The following FBXO34 variants were observed in gnomAD, a reference collection of about 807,000 sequenced individuals.
FBXO34 encodes the protein F-box protein 34, also known as F-box only protein 34.
In FBXO34, 12 loss-of-function variants were observed where a neutral mutation model predicts 24.5. The observed-to-expected ratio is 0.49, with a 90% confidence interval of 0.31 to 0.79. FBXO34 has a LOEUF of 0.79. FBXO34 is among the 30% of genes least tolerant of loss of function. The pLI is 0.04. For missense variants in FBXO34, 823 were observed against 857.7 expected (o/e 0.96, Z 0.51); for synonymous variants, 320 against 311.9 (o/e 1.03, Z -0.27).
intron 1 of FBXO34, among the ~76,000 whole-genome samples, chr14:55,350,017 C>T (rs1031816667): frequency 2.0e-5 from 3 of 152,060 alleles, no homozygotes; most frequent in Non-Finnish European, 4.4e-5. Context: ...TCTTTTTATA[C>T]TTTCCTTTCT....
intron 1 of FBXO34, among the ~76,000 whole-genome samples, chr14:55,320,301 T>C (rs890706155): frequency 4.6e-5 from 7 of 152,190 alleles, no homozygotes; most frequent in Non-Finnish European, 8.8e-5. Context: ...GGTGATTGTG[T>C]GCTTTGACCA....
At chr14:55,391,602 C>T in the FBXO34 span, among the ~76,000 whole-genome samples, 1 of 152,210 alleles carries the variant, frequency 6.6e-6, no homozygotes, top group African/African-American at 2.4e-5. Context: ...TAGCTACTAG[C>T]CACATGTGGT....
At chr14:55,432,327 G>T in the FBXO34 span, among the ~76,000 whole-genome samples, 1 of 151,120 alleles carries the variant, frequency 6.6e-6, no homozygotes, top group Non-Finnish European at 1.5e-5. Flanking sequence ...CTGGAAGGAT[G>T]GCTCCAGCCC....
At chr14:55,313,487 G>A (rs533698863) in intron 1 of FBXO34, among the ~76,000 whole-genome samples, 14 of 152,178 alleles carry the variant, frequency 9.2e-5, no homozygotes, top group South Asian at 4.1e-4. Context: ...TTTTTATAGC[G>A]CGGTGCCCCA....
chr14:55,430,320 C>G, the FBXO34 span, among the ~76,000 whole-genome samples: 1 of 150,708 alleles, frequency 6.6e-6, no homozygotes, highest in Non-Finnish European at 1.5e-5. Context: ...AGATCCTTCA[C>G]CAACACTGCC....
At chr14:55,339,117 T>C (rs1480170985) in intron 1 of FBXO34, among the ~76,000 whole-genome samples, 1 of 152,150 alleles carries the variant, frequency 6.6e-6, no homozygotes, top group African/African-American at 2.4e-5. Flanking sequence ...GGAAATATTT[T>C]CTAAGGACAT....
chr14:55,403,477 AAAAATTCATTTTTGTTTGTAAAATAGT>A, the FBXO34 span, among the ~76,000 whole-genome samples: 1 of 152,232 alleles, frequency 6.6e-6, no homozygotes, highest in Non-Finnish European at 1.5e-5. Context: ...ACAAAAATAG[AAAAATTCATTTTTGTTTGTAAAATAGT>A]AAATAAACAG....
chr14:55,437,953 C>G, the FBXO34 span, among the ~76,000 whole-genome samples: 3 of 152,156 alleles, frequency 2.0e-5, no homozygotes, highest in Non-Finnish European at 4.4e-5. Context: ...CCAGGGAAGG[C>G]TGCTCAACTA....
chr14:55,312,352 C>T (rs1882773125), intron 1 of FBXO34, among the ~76,000 whole-genome samples: 1 of 152,160 alleles, frequency 6.6e-6, no homozygotes, highest in Non-Finnish European at 1.5e-5. Context: ...CAGAGGCTTT[C>T]ACGGGCTGGT....
chr14:55,290,114 G>T lies in FBXO34; in HGVS notation c.-11+18577G>T, dbSNP rs185197831. On this transcript the variant is annotated intron_variant, in intron 1 of 1. Coordinates refer to ENST00000313833, the MANE Select transcript of FBXO34 (RefSeq NM_017943.4). Reference sequence around the variant, plus strand: ...TTTTAAATTGAGGCATAATTTGGCCGGGCATGGTGGCTCACGCCTGTAATC... The same window carrying T: ...TTTTAAATTGAGGCATAATTTGGCCTGGCATGGTGGCTCACGCCTGTAATC... Among the ~76,000 whole-genome samples, 18 of 152,060 alleles carry T rather than the reference G, an allele frequency of 1.2e-4. No individual in the cohort carries two copies. In the South Asian group the frequency reaches 1.7e-3, roughly 14 times the overall value.
the FBXO34 span, among the ~76,000 whole-genome samples, chr14:55,432,663 C>A: frequency 6.6e-6 from 1 of 152,100 alleles, no homozygotes; most frequent in East Asian, 1.9e-4. Context: ...ATCAATTTAG[C>A]AAATATAAAA....
At chr14:55,439,619 C>CT in the FBXO34 span, among the ~76,000 whole-genome samples, 1,163 of 118,036 alleles carry the variant, frequency 9.9e-3, 91 homozygotes, top group African/African-American at 0.025. Context: ...AGCAAACCCC[C>CT]CCCCGTCTCT....
the FBXO34 span, among the ~76,000 whole-genome samples, chr14:55,387,680 T>G: frequency 0.1 from 15,196 of 152,116 alleles, 2,099 homozygotes; most frequent in African/African-American, 0.31. Flanking sequence ...GACAGTTTTT[T>G]CGTTTTGAGA....
In FBXO34 at chr14:55,351,195, G is replaced by T. The variant is rs1425803655; in HGVS notation, c.805G>T (p.Val269Phe). The change falls in exon 2 of 2, where the codon GTT becomes TTT. Residue 269 changes from valine (V) to phenylalanine (F), a missense_variant. By Grantham distance (50) the Val-to-Phe change is conservative (BLOSUM62 -1). Coordinates refer to ENST00000313833, the MANE Select transcript of FBXO34 (RefSeq NM_017943.4). ...EEPTERGNLE[V>F]GEPQSEPVRV... The stretch of plus-strand genomic sequence containing the variant: ...ACCCACAGAAAGGGGAAATCTTGAG[G>T]TTGGTGAACCACAGAGCGAACCAGT... 1 of 1,614,206 alleles carries T rather than the reference G, an allele frequency of 6.2e-7. No homozygotes were observed. Among genetic ancestry groups the T allele is most frequent in the South Asian group, 1.1e-5 (1 of 91,088 alleles).
At chr14:55,338,854 T>C (rs1008244884) in intron 1 of FBXO34, among the ~76,000 whole-genome samples, 3 of 149,538 alleles carry the variant, frequency 2.0e-5, no homozygotes, top group African/African-American at 7.4e-5. Flanking sequence ...TGCAGTGAGC[T>C]GAGATTGCGC....
the FBXO34 span, among the ~76,000 whole-genome samples, chr14:55,412,293 G>A: frequency 1.1e-4 from 16 of 152,112 alleles, no homozygotes; most frequent in Non-Finnish European, 1.8e-4. Flanking sequence ...GTGTGACTTG[G>A]GGCAAGTTCC....
chr14:55,288,968 T>A (rs561292183), intron 1 of FBXO34, among the ~76,000 whole-genome samples: 40 of 152,228 alleles, frequency 2.6e-4, no homozygotes, highest in African/African-American at 9.1e-4. Context: ...GGAGAATCGC[T>A]TGAACCTGGG....
chr14:55,422,942 G>A, the FBXO34 span, among the ~76,000 whole-genome samples: 1 of 151,946 alleles, frequency 6.6e-6, no homozygotes, highest in Non-Finnish European at 1.5e-5. Context: ...CCCTCAAGTA[G>A]TTTTAAAAAG....
chr14:55,382,057 A>G, the FBXO34 span: 1 of 1,614,178 alleles, frequency 6.2e-7, no homozygotes, highest in African/African-American at 1.3e-5. Context: ...TGTAATGCTA[A>G]TGCTGGTGTC....
Sources: allele counts gnomAD v4.1 joint callset (sites outside exome capture counted in the v4.1 genomes callset), GRCh38; gene constraint gnomAD v4.1.1; transcripts MANE v1.5; gene names NCBI Gene and HGNC (gene_info 2026-07-23, HGNC 2026-07-21).